RBM20: variants seen among roughly 807,000 people sequenced by gnomAD.
RBM20 encodes the protein RNA-binding protein 20.
Under a neutral mutation model 110.1 loss-of-function variants are expected in RBM20, and 51 were observed. That is an observed-to-expected ratio of 0.46 (90% CI 0.37 to 0.59). The LOEUF is 0.59. RBM20 is among the 20% of genes least tolerant of loss of function. The pLI is 0.00. For synonymous variants in RBM20, 589 were observed against 618.2 expected (o/e 0.95, Z 0.70); for missense variants, 1,512 against 1,574.9 (o/e 0.96, Z 0.68).
intron 8 of RBM20, among the ~76,000 whole-genome samples, chr10:110,810,713 A>G (rs1239807762): frequency 6.6e-6 from 1 of 152,164 alleles, no homozygotes; most frequent in East Asian, 1.9e-4. Flanking sequence ...CCTTTGTTGG[A>G]AAATAATATA....
At chr10:110,689,101 C>G (rs1195918435) in intron 1 of RBM20, among the ~76,000 whole-genome samples, 1 of 151,906 alleles carries the variant, frequency 6.6e-6, no homozygotes, top group Non-Finnish European at 1.5e-5. Flanking sequence ...ATAGAAGGAC[C>G]CTGTGTACCC....
chr10:110,666,153 T>C (rs1862175948), intron 1 of RBM20, among the ~76,000 whole-genome samples: 1 of 152,090 alleles, frequency 6.6e-6, no homozygotes, highest in Non-Finnish European at 1.5e-5. Context: ...AGATTGGCCA[T>C]AGATTGATAA....
intron 1 of RBM20, among the ~76,000 whole-genome samples, chr10:110,728,076 AG>A (rs1315546843): frequency 6.6e-6 from 1 of 152,204 alleles, no homozygotes; most frequent in Admixed American, 6.5e-5. Context: ...GTTGGTTCCA[AG>A]TCTTTGCTAT....
At chr10:110,787,080 T>G (rs1418824462) in intron 5 of RBM20, among the ~76,000 whole-genome samples, 1 of 152,238 alleles carries the variant, frequency 6.6e-6, no homozygotes, top group African/African-American at 2.4e-5. Context: ...TGGGAGCCAC[T>G]TGCTGTGTGT....
chr10:110,758,646 G>T (rs927998483), intron 1 of RBM20, among the ~76,000 whole-genome samples: 1 of 152,204 alleles, frequency 6.6e-6, no homozygotes, highest in African/African-American at 2.4e-5. Context: ...ACCTGCCGCC[G>T]ATGATATGTG....
At chr10:110,817,148 A>G (rs1408116646) in intron 9 of RBM20, among the ~76,000 whole-genome samples, 1 of 152,172 alleles carries the variant, frequency 6.6e-6, no homozygotes, top group African/African-American at 2.4e-5. Flanking sequence ...AAGCCAGGCT[A>G]ATGACAAGTG....
chr10:110,656,158 C>T (rs370610565), intron 1 of RBM20, among the ~76,000 whole-genome samples: 4 of 152,078 alleles, frequency 2.6e-5, no homozygotes, highest in South Asian at 2.1e-4. Flanking sequence ...AAAAATTTGC[C>T]GGGCGTGGTG....
intron 1 of RBM20, among the ~76,000 whole-genome samples, chr10:110,764,581 G>A (rs563952160): frequency 6.6e-6 from 1 of 152,266 alleles, no homozygotes; most frequent in Non-Finnish European, 1.5e-5. Context: ...AGGCGGGTAT[G>A]CCGTGCTCAG....
chr10:110,765,857 C>T (rs926075403), intron 1 of RBM20, among the ~76,000 whole-genome samples: 2 of 151,948 alleles, frequency 1.3e-5, no homozygotes, highest in Non-Finnish European at 2.9e-5. Flanking sequence ...TCTTGCAATT[C>T]TGAGATGTCA....
intron 5 of RBM20, among the ~76,000 whole-genome samples, chr10:110,786,857 T>A (rs1486962141): frequency 1.3e-5 from 2 of 152,148 alleles, no homozygotes; most frequent in Non-Finnish European, 2.9e-5. Flanking sequence ...GGGCAGGGCT[T>A]GTAAATTGAC....
Position 110,721,326 on chromosome 10 carries a change from A to G in RBM20, c.192-59475A>G, listed in dbSNP as rs1274444104. On this transcript the variant is annotated intron_variant, in intron 1 of 13. Coordinates refer to ENST00000369519, the MANE Select transcript of RBM20 (RefSeq NM_001134363.3). Reference sequence around the variant, plus strand: ...CAGCCCCTCACCTGTTTGTTAAATGAATATGAAAATGTCGAACCTGGACTC... The same window carrying G: ...CAGCCCCTCACCTGTTTGTTAAATGGATATGAAAATGTCGAACCTGGACTC... Among the ~76,000 whole-genome samples the G allele has an allele frequency of 2.0e-5, 3 of 152,180 alleles. No homozygotes were observed. In the East Asian group the frequency reaches 5.8e-4, roughly 29 times the overall value.
At position 110,766,533 on chromosome 10, in the gene RBM20, G is replaced by C. The variant is rs561224228; in HGVS notation, c.192-14268G>C. On this transcript the variant is annotated intron_variant, in intron 1 of 13. Coordinates refer to ENST00000369519, the MANE Select transcript of RBM20 (RefSeq NM_001134363.3). Reference sequence around the variant, plus strand: ...TTAGGGAGTGGTGATGACTCTTAACGAGCATGCTGCCTTCAAGCATCTGTT... The same window carrying C: ...TTAGGGAGTGGTGATGACTCTTAACCAGCATGCTGCCTTCAAGCATCTGTT... Among the ~76,000 whole-genome samples, 1,348 of 152,084 alleles carry C rather than the reference G, an allele frequency of 8.9e-3. 17 individuals are homozygous for C. Among genetic ancestry groups the C allele is most frequent in the African/African-American group, 0.03 (1,255 of 41,474 alleles).
intron 1 of RBM20, chr10:110,756,864 C>G (rs900320576): frequency 2.0e-5 from 3 of 152,174 alleles, no homozygotes; most frequent in Admixed American, 1.3e-4. Flanking sequence ...ATCTCCTTGC[C>G]AATTCTCTCA....
chr10:110,657,969 T>A (rs545690790), intron 1 of RBM20, among the ~76,000 whole-genome samples: 1 of 152,336 alleles, frequency 6.6e-6, no homozygotes, highest in East Asian at 1.9e-4. Flanking sequence ...CTTTAAGGTG[T>A]TTAAAGAATA....
At chr10:110,667,660 C>G (rs1010217247) in intron 1 of RBM20, among the ~76,000 whole-genome samples, 3 of 152,176 alleles carry the variant, frequency 2.0e-5, no homozygotes, top group Non-Finnish European at 1.5e-5. Context: ...TCACTAATCT[C>G]GTAACACACA....
chr10:110,829,084 T>C (rs1000017125), intron 12 of RBM20, among the ~76,000 whole-genome samples: 1 of 152,156 alleles, frequency 6.6e-6, no homozygotes, highest in Non-Finnish European at 1.5e-5. Flanking sequence ...ACCCAGCTGG[T>C]TCATCCTCCA....
intron 1 of RBM20, among the ~76,000 whole-genome samples, chr10:110,672,248 G>C (rs929435385): frequency 6.6e-6 from 1 of 152,348 alleles, no homozygotes; most frequent in East Asian, 1.9e-4. Flanking sequence ...GTGAGACTTC[G>C]GCCCCTGGTG....
Position 110,724,534 on chromosome 10 carries a change from G to A in RBM20, c.192-56267G>A, listed in dbSNP as rs141166756. Among the ~76,000 whole-genome samples the A allele has an allele frequency of 2.9e-3, 437 of 152,228 alleles. 6 individuals are homozygous for A. Among genetic ancestry groups the A allele is most frequent in the African/African-American group, 9.7e-3 (404 of 41,528 alleles). ...AGCAGGAACCATTGACTTGAATCAC[G>A]TTAGCACTGTGAGTGGGGAGAAGCA... On this transcript the variant is annotated intron_variant, in intron 1 of 13. Transcript: ENST00000369519.
intron 1 of RBM20, among the ~76,000 whole-genome samples, chr10:110,746,266 C>G (rs1843779105): frequency 6.6e-6 from 1 of 152,172 alleles, no homozygotes; most frequent in African/African-American, 2.4e-5. Flanking sequence ...GCATCTCTTC[C>G]TGTGCATTCT....
Sources: gnomAD v4.1 joint callset for allele counts (sites outside exome capture counted in the v4.1 genomes callset) on GRCh38, gnomAD v4.1.1 for gene constraint, MANE v1.5 for transcripts, NCBI Gene and HGNC (gene_info 2026-07-23, HGNC 2026-07-21) for gene names.